The following ADARB2 variants were observed in gnomAD, a reference collection of about 807,000 sequenced individuals.
The protein encoded by ADARB2 is inactive double-stranded RNA-specific editase B2.
ADARB2 carries 25 observed loss-of-function variants against 62.2 expected under a neutral mutation model. That is an observed-to-expected ratio of 0.40 (90% CI 0.29 to 0.56). ADARB2 has a LOEUF of 0.56. Among genes scored for constraint, ADARB2 ranks in the 20% least tolerant of loss-of-function variants. The pLI is 0.43. For synonymous variants in ADARB2, 572 were observed against 500.8 expected (o/e 1.14, Z -1.90); for missense variants, 1,071 against 1,077.4 (o/e 0.99, Z 0.08).
At chr10:1,590,319 T>C (rs1391413663) in intron 1 of ADARB2, among the ~76,000 whole-genome samples, 3 of 152,232 alleles carry the variant, frequency 2.0e-5, no homozygotes, top group Non-Finnish European at 4.4e-5. Flanking sequence ...TAATTAAGCA[T>C]GGGTGAATCA....
At chr10:1,248,085 G>T (rs1179667239) in intron 4 of ADARB2, among the ~76,000 whole-genome samples, 1 of 152,214 alleles carries the variant, frequency 6.6e-6, no homozygotes, top group Non-Finnish European at 1.5e-5. Context: ...GCTCCAGTAG[G>T]GGCTTATTAA....
chr10:1,450,182 C>T (rs547490500), intron 1 of ADARB2, among the ~76,000 whole-genome samples: 25 of 152,328 alleles, frequency 1.6e-4, no homozygotes, highest in African/African-American at 5.8e-4. Flanking sequence ...AGGAATTCCT[C>T]CTGCATAGCC....
At chr10:1,644,312 C>T (rs1834010354) in intron 1 of ADARB2, among the ~76,000 whole-genome samples, 1 of 152,248 alleles carries the variant, frequency 6.6e-6, no homozygotes, top group South Asian at 2.1e-4. Flanking sequence ...CCCGAGCTGC[C>T]ATTGCCACCA....
chr10:1,365,680 A>G (rs971339624), intron 2 of ADARB2, among the ~76,000 whole-genome samples: 2 of 152,198 alleles, frequency 1.3e-5, no homozygotes, highest in Admixed American at 1.3e-4. Context: ...GAGCACAAGC[A>G]CAGCTCCTTT....
At position 1,550,779 on chromosome 10, in the gene ADARB2, C is replaced by T. The variant is rs1367271027; in HGVS notation, c.101-171619G>A. 2.0e-5 allele frequency among the ~76,000 whole-genome samples: 3 copies of T among 151,662 alleles called. No individual in the cohort carries two copies. In the East Asian group the frequency reaches 5.8e-4, roughly 29 times the overall value. The stretch of plus-strand genomic sequence containing the variant: ...AAAGCCACAACCCCGAGTGCTTAGT[C>T]ATTTGGCAAGAGTGAAGGTGAAGAG... On this transcript the variant is annotated intron_variant, in intron 1 of 9. Transcript: ENST00000381312.
intron 1 of ADARB2, among the ~76,000 whole-genome samples, chr10:1,446,406 C>T (rs915967807): frequency 6.6e-6 from 1 of 152,210 alleles, no homozygotes; most frequent in Non-Finnish European, 1.5e-5. Flanking sequence ...TTACATGCAC[C>T]TGTTTATTCA....
At chr10:1,231,438 T>C (rs1830803006) in intron 6 of ADARB2, among the ~76,000 whole-genome samples, 1 of 152,120 alleles carries the variant, frequency 6.6e-6, no homozygotes, top group Non-Finnish European at 1.5e-5. Context: ...CCAGTGAAAA[T>C]GAAGCCACTC....
At chr10:1,220,227 GAT>G (rs1830678974) in intron 6 of ADARB2, among the ~76,000 whole-genome samples, 1 of 138,970 alleles carries the variant, frequency 7.2e-6, no homozygotes, top group Non-Finnish European at 1.6e-5. Context: ...TGGTGATGGT[GAT>G]GATGGTGGTG....
chr10:1,707,165 G>A (rs1181264953), intron 1 of ADARB2, among the ~76,000 whole-genome samples: 1 of 152,174 alleles, frequency 6.6e-6, no homozygotes, highest in Non-Finnish European at 1.5e-5. Flanking sequence ...CTTCCTTCAC[G>A]CGGTGTCCCG....
At chr10:1,653,573 C>T (rs1219545783) in intron 1 of ADARB2, among the ~76,000 whole-genome samples, 3 of 143,012 alleles carry the variant, frequency 2.1e-5, no homozygotes, top group Non-Finnish European at 4.6e-5. Context: ...CCACCCCACG[C>T]CTCATGTGCC....
chr10:1,298,345 G>C (rs1202522798), intron 3 of ADARB2, among the ~76,000 whole-genome samples: 1 of 152,340 alleles, frequency 6.6e-6, no homozygotes, highest in East Asian at 1.9e-4. Context: ...GTTTTTTGGA[G>C]TGGCTGGACT....
intron 3 of ADARB2, among the ~76,000 whole-genome samples, chr10:1,343,556 T>C (rs1832051543): frequency 6.6e-6 from 1 of 152,182 alleles, no homozygotes; most frequent in Non-Finnish European, 1.5e-5. Flanking sequence ...TGTTCTACCA[T>C]AGACACACAG....
intron 1 of ADARB2, among the ~76,000 whole-genome samples, chr10:1,446,283 G>T (rs12220239): frequency 6.8e-5 from 10 of 146,008 alleles, no homozygotes; most frequent in Non-Finnish European, 1.5e-4. Context: ...TTATTGTGAA[G>T]ATGGGAAAGA....
At chr10:1,383,941 AT>A (rs1832505176) in intron 1 of ADARB2, among the ~76,000 whole-genome samples, 1 of 152,202 alleles carries the variant, frequency 6.6e-6, no homozygotes, top group Non-Finnish European at 1.5e-5. Flanking sequence ...CCTTTGTTAA[AT>A]TTTATTGAAC....
intron 3 of ADARB2, among the ~76,000 whole-genome samples, chr10:1,316,018 C>G (rs1266590133): frequency 6.6e-6 from 1 of 152,238 alleles, no homozygotes; most frequent in African/African-American, 2.4e-5. Context: ...ATCATCCTAT[C>G]TGCTTTGCAT....
chr10:1,463,963 C>G (rs946088475), intron 1 of ADARB2, among the ~76,000 whole-genome samples: 1 of 152,230 alleles, frequency 6.6e-6, no homozygotes, highest in African/African-American at 2.4e-5. Flanking sequence ...AAAGCGCAAA[C>G]GCAAACCCCC....
rs574421354 is a variant in ADARB2 at position 1,491,262 on chromosome 10, G to T, written c.101-112102C>A. On this transcript the variant is annotated intron_variant, in intron 1 of 9. Coordinates refer to ENST00000381312, the MANE Select transcript of ADARB2 (RefSeq NM_018702.4). ...TGTTTTTATTTTTTGTAGAGACAGG[G>T]TTGTGCCACGTTGCCCAGGCTGGTC... Among the ~76,000 whole-genome samples, 8 of 152,202 alleles carry T rather than the reference G, an allele frequency of 5.3e-5. No homozygotes were observed. The South Asian group carries it at 1.2e-3, about 24-fold the overall frequency.
At chr10:1,695,832 G>C (rs2119133148) in intron 1 of ADARB2, among the ~76,000 whole-genome samples, 1 of 149,656 alleles carries the variant, frequency 6.7e-6, no homozygotes, top group African/African-American at 2.5e-5. Flanking sequence ...GAGAGTGCAT[G>C]CATGTGTGTG....
chr10:1,657,386 A>G (rs372264062), intron 1 of ADARB2, among the ~76,000 whole-genome samples: 29 of 130,208 alleles, frequency 2.2e-4, no homozygotes, highest in African/African-American at 7.4e-4. Context: ...TTGATAAATC[A>G]TATTTTTTTA....
Sources: allele counts gnomAD v4.1 joint callset (sites outside exome capture counted in the v4.1 genomes callset), GRCh38; gene constraint gnomAD v4.1.1; transcripts MANE v1.5; gene names NCBI Gene and HGNC (gene_info 2026-07-23, HGNC 2026-07-21).